Variants in AFG1L observed in about 807,000 individuals in gnomAD.
The protein encoded by AFG1L is AFG1-like ATPase.
Under a neutral mutation model 62.2 loss-of-function variants are expected in AFG1L, and 53 were observed. That is an observed-to-expected ratio of 0.85 (90% confidence interval 0.68 to 1.07). AFG1L has a LOEUF of 1.07. Ranked by LOEUF, AFG1L falls within the 50% of genes least tolerant of loss-of-function variation. The pLI is 0.00. For synonymous variants in AFG1L, 228 were observed against 210.3 expected (o/e 1.08, Z -0.73); for missense variants, 555 against 590.5 (o/e 0.94, Z 0.62).
At chr6:108,454,609 A>G (rs927533085) in intron 8 of AFG1L, among the ~76,000 whole-genome samples, 1 of 152,120 alleles carries the variant, frequency 6.6e-6, no homozygotes, top group Non-Finnish European at 1.5e-5. Context: ...TCAGTTTCCC[A>G]TCCTTCAGCA....
intron 7 of AFG1L, among the ~76,000 whole-genome samples, chr6:108,438,176 G>C (rs1327589992): frequency 1.3e-5 from 2 of 152,086 alleles, no homozygotes; most frequent in Non-Finnish European, 2.9e-5. Context: ...GTAGCATATT[G>C]GTGATTGTAT....
At chr6:108,498,189 G>A (rs1412289614) in intron 10 of AFG1L, among the ~76,000 whole-genome samples, 1 of 152,188 alleles carries the variant, frequency 6.6e-6, no homozygotes, top group African/African-American at 2.4e-5. Context: ...TGAAAACTGT[G>A]ACTTTTGCTT....
chr6:108,358,681 G>A (rs561035193), intron 5 of AFG1L, among the ~76,000 whole-genome samples: 2 of 152,084 alleles, frequency 1.3e-5, no homozygotes, highest in African/African-American at 4.8e-5. Context: ...ACAGGTGGGC[G>A]CCACCATGCC....
chr6:108,506,985 A>G (rs1774444469), intron 10 of AFG1L, among the ~76,000 whole-genome samples: 1 of 152,150 alleles, frequency 6.6e-6, no homozygotes, highest in African/African-American at 2.4e-5. Context: ...AAATGTCATT[A>G]TTTTAAATTA....
At chr6:108,372,612 C>T (rs1234695276) in intron 6 of AFG1L, among the ~76,000 whole-genome samples, 1 of 152,006 alleles carries the variant, frequency 6.6e-6, no homozygotes, top group Non-Finnish European at 1.5e-5. Context: ...ACAGGTGTGA[C>T]CCACTGTACC....
chr6:108,365,258 T>C (rs1048768216), intron 5 of AFG1L, among the ~76,000 whole-genome samples: 1 of 152,306 alleles, frequency 6.6e-6, no homozygotes, highest in East Asian at 1.9e-4. Context: ...CATTTATTTT[T>C]GGAGTCAACT....
chr6:108,395,386 C>T (rs1781244941), intron 6 of AFG1L, among the ~76,000 whole-genome samples: 1 of 145,732 alleles, frequency 6.9e-6, no homozygotes, highest in Admixed American at 7.0e-5. Context: ...TTTACTATTC[C>T]TTTTTTCTTT....
intron 10 of AFG1L, among the ~76,000 whole-genome samples, chr6:108,500,589 G>T (rs1367510113): frequency 6.6e-6 from 1 of 152,260 alleles, no homozygotes; most frequent in South Asian, 2.1e-4. Context: ...TGTGAATAGT[G>T]CTATTATAAA....
intron 5 of AFG1L, among the ~76,000 whole-genome samples, chr6:108,358,377 TATCTC>T: frequency 6.6e-6 from 1 of 152,344 alleles, no homozygotes; most frequent in East Asian, 1.9e-4. Context: ...TTTACATCCT[TATCTC>T]ATTTAATTCT....
rs1775285110 is a variant in AFG1L at position 108,525,326 on chromosome 6, A to C, written c.*2901A>C. The C allele has an allele frequency of 1.3e-5, 2 of 152,212 alleles. No homozygotes were observed. Among genetic ancestry groups the C allele is most frequent in the African/African-American group, 4.8e-5 (2 of 41,440 alleles). 9.4% of individuals were successfully genotyped at this position (152,212 alleles called of 1,614,324 possible). A position where few individuals can be genotyped will look rare whatever the true frequency, so the allele number is the denominator to read the frequency against. On this transcript the variant is annotated 3_prime_UTR_variant, in exon 13 of 13. Transcript: ENST00000368977. The stretch of plus-strand genomic sequence containing the variant: ...GATATCACTAATCCTGAGATGAAAA[A>C]CAGGATGGACTTAAGTAATTTTTAA...
At chr6:108,321,141 A>T (rs1485004892) in intron 1 of AFG1L, among the ~76,000 whole-genome samples, 2 of 152,202 alleles carry the variant, frequency 1.3e-5, no homozygotes, top group African/African-American at 4.8e-5. Context: ...TGCCAGCTGC[A>T]AATGGGGTAT....
chr6:108,345,521 G>A (rs1160689138), intron 2 of AFG1L, among the ~76,000 whole-genome samples: 1 of 151,362 alleles, frequency 6.6e-6, no homozygotes, highest in African/African-American at 2.4e-5. Context: ...CACCATGCCG[G>A]CTGATTTTTG....
At chr6:108,518,865 T>G (rs1024579110) in intron 11 of AFG1L, among the ~76,000 whole-genome samples, 1 of 152,246 alleles carries the variant, frequency 6.6e-6, no homozygotes, top group Non-Finnish European at 1.5e-5. Context: ...AGAATAGCAA[T>G]GCACTGAACT....
At chr6:108,492,734 T>A (rs76594307) in intron 10 of AFG1L, among the ~76,000 whole-genome samples, 2 of 57,728 alleles carry the variant, frequency 3.5e-5, no homozygotes, top group Non-Finnish European at 9.8e-5. Flanking sequence ...CTTGCCAGTA[T>A]TTTTTTTTTG....
At chr6:108,427,288 T>C (rs959816875) in intron 7 of AFG1L, among the ~76,000 whole-genome samples, 1 of 151,932 alleles carries the variant, frequency 6.6e-6, no homozygotes, top group Admixed American at 6.6e-5. Flanking sequence ...GGTGTCTTGC[T>C]ATGTTGCCCA....
At chr6:108,333,159 C>T (rs1582389783) in intron 2 of AFG1L, among the ~76,000 whole-genome samples, 2 of 152,256 alleles carry the variant, frequency 1.3e-5, no homozygotes, top group East Asian at 3.9e-4. Context: ...CCTGTAATCC[C>T]AGCACTTTGG....
chr6:108,328,549 C>G (rs974331344), intron 2 of AFG1L, among the ~76,000 whole-genome samples: 1 of 152,016 alleles, frequency 6.6e-6, no homozygotes, highest in Non-Finnish European at 1.5e-5. Context: ...TGCATGCCAC[C>G]ACACCCAGCT....
chr6:108,509,359 T>C (rs2114895282), intron 10 of AFG1L, among the ~76,000 whole-genome samples: 1 of 152,360 alleles, frequency 6.6e-6, no homozygotes, highest in East Asian at 1.9e-4. Flanking sequence ...CAGTATTTCC[T>C]ACAGAGGTTA....
At chr6:108,467,845 TA>T (rs1772734455) in intron 8 of AFG1L, among the ~76,000 whole-genome samples, 1 of 152,242 alleles carries the variant, frequency 6.6e-6, no homozygotes, top group Non-Finnish European at 1.5e-5. Flanking sequence ...GGTTTCAGGA[TA>T]TTTTTTAAGA....
Sources: gnomAD v4.1 joint callset for allele counts (sites outside exome capture counted in the v4.1 genomes callset) on GRCh38, gnomAD v4.1.1 for gene constraint, MANE v1.5 for transcripts, NCBI Gene and HGNC (gene_info 2026-07-23, HGNC 2026-07-21) for gene names.